FMN1: variants seen among roughly 807,000 people sequenced by gnomAD.
FMN1 encodes the protein formin 1.
FMN1 carries 110 observed loss-of-function variants against 132.4 expected under a neutral mutation model. The observed-to-expected ratio is 0.83, with a 90% CI of 0.71 to 0.97. FMN1 has a LOEUF of 0.97. Ranked by LOEUF, FMN1 falls within the 50% of genes least tolerant of loss-of-function variation. The pLI is 0.00. For missense variants in FMN1, 1,792 were observed against 1,705.3 expected (o/e 1.05, Z -0.90); for synonymous variants, 722 against 651.7 (o/e 1.11, Z -1.64).
intron 6 of FMN1, among the ~76,000 whole-genome samples, chr15:33,022,839 T>C (rs955857838): frequency 1.3e-5 from 2 of 152,076 alleles, no homozygotes; most frequent in Admixed American, 6.5e-5. Context: ...GACACAGCTG[T>C]AGTTCCCAGA....
At chr15:33,186,188 AC>A (rs1445679943) in intron 2 of FMN1, among the ~76,000 whole-genome samples, 1 of 151,082 alleles carries the variant, frequency 6.6e-6, no homozygotes, top group African/African-American at 2.4e-5. Context: ...AAAAAAAAAA[AC>A]CTCTCCTTTT....
At chr15:33,095,632 C>CAA (rs947453928) in intron 4 of FMN1, among the ~76,000 whole-genome samples, 9 of 152,042 alleles carry the variant, frequency 5.9e-5, no homozygotes, top group African/African-American at 2.2e-4. Flanking sequence ...CTTGGCCTCT[C>CAA]AAAGTGTTGC....
At chr15:33,140,468 C>T (rs1016693300) in intron 4 of FMN1, among the ~76,000 whole-genome samples, 3 of 152,218 alleles carry the variant, frequency 2.0e-5, no homozygotes, top group Non-Finnish European at 4.4e-5. Flanking sequence ...CAAGGAACGA[C>T]AGATTCCCCC....
chr15:33,175,052 G>A (rs961850436), intron 3 of FMN1, among the ~76,000 whole-genome samples: 1 of 151,182 alleles, frequency 6.6e-6, no homozygotes. Flanking sequence ...TTTTAGACAG[G>A]GTCTCACCCA....
At chr15:32,906,403 T>C (rs1435410668) in intron 12 of FMN1, among the ~76,000 whole-genome samples, 1 of 152,252 alleles carries the variant, frequency 6.6e-6, no homozygotes, top group Non-Finnish European at 1.5e-5. Context: ...AAGTAAAATG[T>C]CATTGGGGCA....
rs112994423 is a variant in FMN1 at position 32,898,807 on chromosome 15, A to T, written c.3714+27T>A. On this transcript the variant is annotated intron_variant, in intron 15 of 20. Transcript: ENST00000616417. Reference sequence around the variant, plus strand: ...ATGTCAACAATGAGTAAGAGGTGAAACTTTTCCACGTAATACCATTTCTTA... The same window carrying T: ...ATGTCAACAATGAGTAAGAGGTGAATCTTTTCCACGTAATACCATTTCTTA... 1.2e-3 allele frequency: 1,830 copies of T among 1,502,240 alleles called. 15 individuals are homozygous for T. The African/African-American group carries it at 0.022, about 18-fold the overall frequency. The allele number at this position is 1,502,240 out of a possible 1,614,324, so 93.1% of individuals were successfully genotyped here.
At chr15:32,972,366 C>T (rs1246632083) in intron 7 of FMN1, among the ~76,000 whole-genome samples, 2 of 152,160 alleles carry the variant, frequency 1.3e-5, no homozygotes, top group African/African-American at 2.4e-5. Context: ...TTTTCCTTCG[C>T]AGCAGAACTT....
At chr15:33,020,941 C>T (rs2035386193) in intron 6 of FMN1, among the ~76,000 whole-genome samples, 1 of 152,196 alleles carries the variant, frequency 6.6e-6, no homozygotes, top group Admixed American at 6.5e-5. Context: ...TCTGCTTTCA[C>T]CTCTTTCTTT....
At chr15:33,186,898 CT>C (rs1485097679) in intron 2 of FMN1, among the ~76,000 whole-genome samples, 2 of 152,226 alleles carry the variant, frequency 1.3e-5, no homozygotes, top group Non-Finnish European at 2.9e-5. Flanking sequence ...TGCGACTTAA[CT>C]CCAGTGACTC....
intron 4 of FMN1, among the ~76,000 whole-genome samples, chr15:33,106,604 C>A (rs2140103153): frequency 6.6e-6 from 1 of 152,184 alleles, no homozygotes; most frequent in South Asian, 2.1e-4. Flanking sequence ...GTTCACTGTT[C>A]ACTCTTCAGT....
chr15:32,973,068 T>G (rs1472221526), intron 7 of FMN1, among the ~76,000 whole-genome samples: 6 of 152,218 alleles, frequency 3.9e-5, no homozygotes, highest in Admixed American at 3.9e-4. Flanking sequence ...ACAAAGGCAA[T>G]GAGCATTTTC....
At chr15:33,109,649 T>C (rs940047394) in intron 4 of FMN1, among the ~76,000 whole-genome samples, 6 of 151,836 alleles carry the variant, frequency 4.0e-5, no homozygotes, top group Admixed American at 1.3e-4. Context: ...TAAGAACTTA[T>C]GAACACAAAG....
intron 7 of FMN1, among the ~76,000 whole-genome samples, chr15:32,985,133 A>C (rs868477096): frequency 6.6e-6 from 1 of 152,230 alleles, no homozygotes. Context: ...CGCTCTGTGT[A>C]ATTTCTCCAA....
chr15:33,134,200 C>T (rs1050197582), intron 4 of FMN1, among the ~76,000 whole-genome samples: 16 of 152,134 alleles, frequency 1.1e-4, no homozygotes, highest in Non-Finnish European at 2.4e-4. Context: ...CTTCCTGTCT[C>T]GGCCTCTTAA....
chr15:33,083,554 CAG>C (rs937897394), intron 5 of FMN1, among the ~76,000 whole-genome samples: 2 of 152,246 alleles, frequency 1.3e-5, no homozygotes, highest in Non-Finnish European at 2.9e-5. Context: ...TCTGTCTCCA[CAG>C]GGACAGACGC....
Position 32,964,119 on chromosome 15 carries a change from G to T in FMN1, c.3126C>A (p.Asn1042Lys). The T allele has an allele frequency of 6.2e-7, 1 of 1,609,378 alleles. No homozygotes were observed. The highest frequency in any genetic ancestry group is 8.5e-7 in the Non-Finnish European group (1 of 1,178,206). The change falls in exon 9 of 21, where the codon AAC (asparagine) becomes AAA (lysine). Residue 1042 changes from asparagine (N) to lysine (K), a missense_variant. Around this residue, in one of 3 missense-constraint regions of FMN1, gnomAD observed 1,150 missense variants for 1,043.1 expected, o/e 1.10. Transcript: ENST00000616417. ...AATCACTCAGTACCTTTTTGACCTT[G>T]TTTTTCTTCTCATAAGTCTCTGACA... ...KPLSETYEKK[N>K]KVKKIIKLLD...
At chr15:33,077,568 T>TG (rs2038268281) in intron 5 of FMN1, among the ~76,000 whole-genome samples, 1 of 151,628 alleles carries the variant, frequency 6.6e-6, no homozygotes, top group Non-Finnish European at 1.5e-5. Context: ...CCTATGTCCA[T>TG]GTGTTCTCAC....
chr15:32,908,770 G>A (rs2060489944), intron 11 of FMN1, among the ~76,000 whole-genome samples, 192 bp from the exon 12 acceptor site: 1 of 152,070 alleles, frequency 6.6e-6, no homozygotes, highest in East Asian at 1.9e-4. Flanking sequence ...GTGTGGGTGG[G>A]GGTGGGGGGA....
intron 4 of FMN1, among the ~76,000 whole-genome samples, chr15:33,095,376 T>G (rs2039045124): frequency 6.6e-6 from 1 of 151,960 alleles, no homozygotes; most frequent in South Asian, 2.1e-4. Flanking sequence ...AGAAAGAATA[T>G]ACTTGCTTGT....
Sources: allele counts gnomAD v4.1 joint callset (sites outside exome capture counted in the v4.1 genomes callset), GRCh38; gene constraint gnomAD v4.1.1; regional missense constraint gnomAD v4.1.1; transcripts MANE v1.5; gene names NCBI Gene and HGNC (gene_info 2026-07-23, HGNC 2026-07-21).